The following LPIN2 variants were observed in gnomAD, a reference collection of about 807,000 sequenced individuals.
The protein encoded by LPIN2 is phosphatidate phosphatase LPIN2.
Under a neutral mutation model 111.4 loss-of-function variants are expected in LPIN2, and 55 were observed. The ratio of observed to expected loss-of-function variants is 0.49; its 90% confidence interval spans 0.40 to 0.62. LPIN2 has a LOEUF of 0.62. Among genes scored for constraint, LPIN2 ranks in the 20% least tolerant of loss-of-function variants. The pLI, the probability that LPIN2 is intolerant of heterozygous loss-of-function variation, is 0.00. For missense variants in LPIN2, 992 were observed against 1,112.1 expected (o/e 0.89, Z 1.54); for synonymous variants, 425 against 414.0 (o/e 1.03, Z -0.32).
At chr18:2,965,613 C>T (rs909510164) in intron 1 of LPIN2, among the ~76,000 whole-genome samples, 8 of 151,742 alleles carry the variant, frequency 5.3e-5, no homozygotes, top group Non-Finnish European at 7.4e-5. Flanking sequence ...GCCTGTAGCC[C>T]CAGCTACTCG....
At chr18:2,936,204 T>C (rs1174261209) in intron 7 of LPIN2, among the ~76,000 whole-genome samples, 3 of 152,232 alleles carry the variant, frequency 2.0e-5, no homozygotes, top group African/African-American at 7.2e-5. Context: ...ACCTAATCTT[T>C]GGTGCTAGAA....
chr18:3,008,571 G>A (rs2078552095), intron 1 of LPIN2, among the ~76,000 whole-genome samples: 1 of 152,128 alleles, frequency 6.6e-6, no homozygotes, highest in African/African-American at 2.4e-5. Flanking sequence ...TTTTTGCGGA[G>A]TAAAATTACC....
intron 6 of LPIN2, among the ~76,000 whole-genome samples, chr18:2,938,523 CA>C (rs1427140149): frequency 6.7e-6 from 1 of 149,540 alleles, no homozygotes; most frequent in African/African-American, 2.5e-5. Context: ...GACTTTATCT[CA>C]AAAAAAAAGG....
At chr18:2,943,158 G>A (rs567255171) in intron 4 of LPIN2, among the ~76,000 whole-genome samples, 4 of 151,738 alleles carry the variant, frequency 2.6e-5, no homozygotes, top group East Asian at 1.9e-4. Context: ...GCACACTTAC[G>A]GTCTGTGAAT....
At chr18:3,004,275 A>AC (rs2078478047) in intron 1 of LPIN2, among the ~76,000 whole-genome samples, 1 of 151,466 alleles carries the variant, frequency 6.6e-6, no homozygotes, top group Non-Finnish European at 1.5e-5. Context: ...CTGTTCATAC[A>AC]CCCCCTCCCC....
In LPIN2 at chr18:2,957,520, G is replaced by A. The variant is rs1347167662; in HGVS notation, c.193-2921C>T. Among the ~76,000 whole-genome samples the A allele has an allele frequency of 2.0e-5, 3 of 152,206 alleles. No individual in the cohort carries two copies. In the East Asian group the frequency reaches 5.8e-4, roughly 29 times the overall value. The stretch of plus-strand genomic sequence containing the variant: ...TGTATTTCTGGTGTGGCTTTAGGGA[G>A]TAGAGGTGGGCTGTTGTCCAAGCCA... On this transcript the variant is annotated intron_variant, in intron 2 of 19. Transcript: ENST00000677752.
In LPIN2 at chr18:2,927,753, A is replaced by T; in HGVS notation, c.1679T>A (p.Phe560Tyr). 6.2e-7 allele frequency: 1 copy of T among 1,614,178 alleles called. No homozygotes were observed. The highest frequency in any genetic ancestry group is 1.1e-5 in the South Asian group (1 of 91,082). The change falls in exon 12 of 20, where the codon TTT (phenylalanine) becomes TAT (tyrosine). Residue 560 changes from phenylalanine to tyrosine, a missense_variant. Physicochemically the swap from Phe to Tyr is conservative, Grantham distance 22 (BLOSUM62 3). Coordinates refer to ENST00000677752, the MANE Select transcript of LPIN2 (RefSeq NM_001375808.2). ...GGTCATGCTTTCTCTCTTTCGCCAA[A>T]ACCACCAGCGACCAGATTTCTTTGG... ...KMPKKSGRWW[F>Y]WRKRESMTKQ...
chr18:2,954,043 A>C (rs939571117), intron 3 of LPIN2, among the ~76,000 whole-genome samples: 1 of 152,190 alleles, frequency 6.6e-6, no homozygotes, highest in African/African-American at 2.4e-5. Flanking sequence ...GATCATAATA[A>C]ATTAATTCAC....
At chr18:3,010,156 G>C (rs1393298842) in intron 1 of LPIN2, among the ~76,000 whole-genome samples, 2 of 152,166 alleles carry the variant, frequency 1.3e-5, no homozygotes. Flanking sequence ...CGCTTGTCTT[G>C]AAACACACAT....
At chr18:2,952,717 T>C (rs1432201698) in intron 3 of LPIN2, among the ~76,000 whole-genome samples, 4 of 152,204 alleles carry the variant, frequency 2.6e-5, no homozygotes, top group Non-Finnish European at 1.5e-5. Flanking sequence ...TGATCTTTAT[T>C]TTACTTACTG....
intron 4 of LPIN2, among the ~76,000 whole-genome samples, chr18:2,941,383 A>G (rs1436425521): frequency 6.6e-6 from 1 of 152,178 alleles, no homozygotes; most frequent in African/African-American, 2.4e-5. Flanking sequence ...AAGATTCATA[A>G]AAGGACCTTG....
intron 16 of LPIN2, 106 bp downstream of exon 16, chr18:2,923,669 C>T: frequency 1.0e-6 from 1 of 969,284 alleles, no homozygotes; most frequent in South Asian, 1.3e-5. Context: ...AATGCTTCAG[C>T]ATAAACACAT....
chr18:2,964,052 CA>C (rs1426976608), intron 1 of LPIN2, among the ~76,000 whole-genome samples: 3 of 151,726 alleles, frequency 2.0e-5, no homozygotes. Context: ...GAGGCTGAGG[CA>C]AGCAGATCAC....
intron 1 of LPIN2, among the ~76,000 whole-genome samples, chr18:2,981,149 A>G (rs2078104318): frequency 6.6e-6 from 1 of 152,152 alleles, no homozygotes; most frequent in African/African-American, 2.4e-5. Context: ...CAAAACTGAA[A>G]CTGTCACCTT....
chr18:2,971,971 C>T (rs374824909), intron 1 of LPIN2, among the ~76,000 whole-genome samples: 6 of 152,102 alleles, frequency 3.9e-5, no homozygotes, highest in South Asian at 2.1e-4. Context: ...CGCTTGAACC[C>T]AGGAGGTGGA....
chr18:2,963,023 T>C (rs949835879), intron 1 of LPIN2, among the ~76,000 whole-genome samples: 3 of 152,242 alleles, frequency 2.0e-5, no homozygotes, highest in Non-Finnish European at 4.4e-5. Context: ...TGCTGTTATA[T>C]GGGAAAACCT....
chr18:2,983,862 A>G (rs927291344), intron 1 of LPIN2, among the ~76,000 whole-genome samples: 3 of 152,102 alleles, frequency 2.0e-5, no homozygotes, highest in Admixed American at 6.6e-5. Context: ...GGCTCACATT[A>G]TATTTCTATT....
rs1278307962 is a variant in LPIN2 at position 2,940,704 on chromosome 18, G to A, written c.599C>T (p.Ser200Leu). Residue 200 changes from serine to leucine, a missense_variant, in exon 5 of 20, where the codon TCA (serine) becomes TTA (leucine). Transcript: ENST00000677752. ...TTCTTCTTCTTTCAAGGAAGCATTTGAAGATCCTCTGTGAAGGAGAAACCA... is the reference window on the plus strand; with the variant it reads ...TTCTTCTTCTTTCAAGGAAGCATTTAAAGATCCTCTGTGAAGGAGAAACCA... The part of the protein sequence containing the change: ...DKGAQAARGS[S>L]NASLKEEECK... 6.2e-7 allele frequency: 1 copy of A among 1,605,268 alleles called. No homozygotes were observed. The highest frequency in any genetic ancestry group is 8.5e-7 in the Non-Finnish European group (1 of 1,172,648).
chr18:3,006,489 G>A (rs938951082), intron 1 of LPIN2, among the ~76,000 whole-genome samples: 4 of 152,124 alleles, frequency 2.6e-5, no homozygotes, highest in Non-Finnish European at 4.4e-5. Flanking sequence ...CCAGGAGTTC[G>A]AGACCAGCCT....
Sources: allele counts gnomAD v4.1 joint callset (sites outside exome capture counted in the v4.1 genomes callset), GRCh38; gene constraint gnomAD v4.1.1; transcripts MANE v1.5; gene names NCBI Gene and HGNC (gene_info 2026-07-23, HGNC 2026-07-21).